The following RNASEH1 variants were observed in gnomAD, a reference collection of about 807,000 sequenced individuals.
The protein encoded by RNASEH1 is ribonuclease H type II.
A neutral mutation model predicts 34.6 loss-of-function variants in RNASEH1; 27 were observed. The observed-to-expected ratio is 0.78, with a 90% CI of 0.58 to 1.08. RNASEH1 has a LOEUF of 1.08. Ranked by LOEUF, RNASEH1 falls within the 50% of genes least tolerant of loss-of-function variation. The pLI is 0.00. For missense variants in RNASEH1, 349 were observed against 373.6 expected (o/e 0.93, Z 0.54); for synonymous variants, 162 against 138.4 (o/e 1.17, Z -1.20).
chr2:3,556,940 T>C, intron 1 of RNASEH1, 36 bp from the exon 2 acceptor site: 2 of 1,442,970 alleles, frequency 1.4e-6, no homozygotes, highest in Non-Finnish European at 2.0e-6. Context: ...CCTTCTTCCT[T>C]CTCTAACTTA....
chr2:3,538,726 G>A (rs1167097665), downstream of RNASEH1, among the ~76,000 whole-genome samples: 1 of 152,136 alleles, frequency 6.6e-6, no homozygotes, highest in African/African-American at 2.4e-5. Context: ...TGTGCAAGGT[G>A]TATCTACAGC....
Position 3,553,395 on chromosome 2 carries a change from T to G in RNASEH1, c.245-1087A>C, listed in dbSNP as rs145087829. On this transcript the variant is annotated intron_variant, in intron 2 of 7. Coordinates refer to ENST00000315212, the MANE Select transcript of RNASEH1 (RefSeq NM_002936.6). ...GGGGGACCTCAAGGTTAATCCCAAA[T>G]AGTTTTTTTTTTTTGAGACAGAGTC... 5.5e-4 allele frequency among the ~76,000 whole-genome samples: 84 copies of G among 151,796 alleles called. 1 individual carries two copies. The East Asian group carries it at 0.015, about 28-fold the overall frequency.
downstream of RNASEH1, among the ~76,000 whole-genome samples, chr2:3,538,949 T>C (rs1463252016): frequency 6.6e-6 from 1 of 152,202 alleles, no homozygotes; most frequent in Non-Finnish European, 1.5e-5. Context: ...CTGCATTCTC[T>C]CGTGAGTAAA....
intron 1 of RNASEH1, 125 bp downstream of exon 1, chr2:3,558,008 A>C: frequency 6.8e-7 from 1 of 1,481,410 alleles, no homozygotes; most frequent in South Asian, 1.4e-5. Flanking sequence ...TCCCCCGACC[A>C]CCCACAGCCA....
chr2:3,554,237 G>C (rs990793169), intron 2 of RNASEH1, among the ~76,000 whole-genome samples: 2 of 152,136 alleles, frequency 1.3e-5, no homozygotes, highest in African/African-American at 4.8e-5. Flanking sequence ...GTTCCTCTAG[G>C]TACTCTACTG....
downstream of RNASEH1, among the ~76,000 whole-genome samples, chr2:3,539,587 G>A (rs115515260): frequency 0.015 from 2,346 of 152,104 alleles, 61 homozygotes; most frequent in African/African-American, 0.052. Flanking sequence ...AGATGCAGCC[G>A]GCCCTCCCCA....
In RNASEH1 at chr2:3,542,757, C is replaced by T. The variant is rs1434312415; in HGVS notation, c.*3028G>A. On this transcript the variant is annotated 3_prime_UTR_variant, in exon 8 of 8. Transcript: ENST00000315212. ...TCCTGTGTCTTGAGAAGCAGGATTC[C>T]GAGTGCAGGAGACACAGACATCATA... is the stretch of plus-strand genomic sequence containing the variant. Among the ~76,000 whole-genome samples, 3 of 152,064 alleles carry T rather than the reference C, an allele frequency of 2.0e-5. No individual in the cohort carries two copies. Among genetic ancestry groups the T allele is most frequent in the East Asian group, 1.9e-4 (1 of 5,196 alleles).
chr2:3,539,913 G>A (rs2103269252), downstream of RNASEH1, among the ~76,000 whole-genome samples: 1 of 152,278 alleles, frequency 6.6e-6, no homozygotes, highest in South Asian at 2.1e-4. Flanking sequence ...TACCCAAGCT[G>A]TCCACCAGCC....
rs1668924274 is a variant in RNASEH1 at position 3,548,058 on chromosome 2, A to G, written c.650-3T>C. Reference sequence around the variant, plus strand: ...ACCTTGAACCCAGTTAGTTATACCTACAAAAATGCACGATCACTGGTGAGT... The same window carrying G: ...ACCTTGAACCCAGTTAGTTATACCTGCAAAAATGCACGATCACTGGTGAGT... On this transcript the variant is annotated splice_region_variant and splice_polypyrimidine_tract_variant and intron_variant, in intron 6 of 7. Coordinates refer to ENST00000315212, the MANE Select transcript of RNASEH1 (RefSeq NM_002936.6). 6.2e-7 allele frequency: 1 copy of G among 1,614,028 alleles called. No homozygotes were observed. Among genetic ancestry groups the G allele is most frequent in the Non-Finnish European group, 8.5e-7 (1 of 1,179,930 alleles).
chr2:3,550,607 G>A, intron 3 of RNASEH1, 135 bp from the exon 4 acceptor site: 1 of 683,622 alleles, frequency 1.5e-6, no homozygotes. Flanking sequence ...TTCTCTCTAG[G>A]AAAACATGCT....
chr2:3,543,194 G>A lies in RNASEH1; in HGVS notation c.*2591C>T, dbSNP rs1488441340. Among the ~76,000 whole-genome samples, 1 of 152,216 alleles carries A rather than the reference G, an allele frequency of 6.6e-6. No individual in the cohort carries two copies. The highest frequency in any genetic ancestry group is 1.9e-4 in the East Asian group (1 of 5,196). On this transcript the variant is annotated 3_prime_UTR_variant, in exon 8 of 8. Coordinates refer to ENST00000315212, the MANE Select transcript of RNASEH1 (RefSeq NM_002936.6). ...TATGTGAGGTGGAGGCTGACCTGCA[G>A]TCAGTCTGGCCATGTACATGTGTCT...
At position 3,552,422 on chromosome 2, in the gene RNASEH1, CCTCT is replaced by C. The variant is rs151141402; in HGVS notation, c.245-118_245-115del. On this transcript the variant is annotated intron_variant, in intron 2 of 7. Coordinates refer to ENST00000315212, the MANE Select transcript of RNASEH1 (RefSeq NM_002936.6). ...ATCATTAAATCAGACTTAAAAACAC[CCTCT>C]CTATGTGGCCCTACAACGAGGGAAA... is the stretch of plus-strand genomic sequence containing the variant. 0.16 allele frequency: 157,717 copies of C among 991,500 alleles called. 14,224 individuals carry two copies. Among genetic ancestry groups the C allele is most frequent in the African/African-American group, 0.24 (14,168 of 59,870 alleles). The allele number at this position is 991,500 out of a possible 1,614,324, so 61.4% of individuals were successfully genotyped here. A position where few individuals can be genotyped will look rare whatever the true frequency, so the allele number is the denominator to read the frequency against.
At chr2:3,546,438 C>A (rs542195062) in intron 7 of RNASEH1, among the ~76,000 whole-genome samples, 1 of 152,094 alleles carries the variant, frequency 6.6e-6, no homozygotes, top group African/African-American at 2.4e-5. Flanking sequence ...GTGCTTCCAT[C>A]TTGGAATAAA....
In RNASEH1 at chr2:3,554,867, G is replaced by A. The variant is rs143146852; in HGVS notation, c.244+1922C>T. 2.2e-3 allele frequency among the ~76,000 whole-genome samples: 329 copies of A among 152,314 alleles called. 2 individuals carry two copies. Among genetic ancestry groups the A allele is most frequent in the African/African-American group, 7.3e-3 (303 of 41,556 alleles). On this transcript the variant is annotated intron_variant, in intron 2 of 7. Coordinates refer to ENST00000315212, the MANE Select transcript of RNASEH1 (RefSeq NM_002936.6). Reference sequence around the variant, plus strand: ...CTGTCTCAAACTGATTTTTCCATCTGGGTAGAAAAATGAACAGCTGTAACA... The same window carrying A: ...CTGTCTCAAACTGATTTTTCCATCTAGGTAGAAAAATGAACAGCTGTAACA...
chr2:3,550,455 A>AGAC lies in RNASEH1; in HGVS notation c.424_426dup (p.Val142dup). On this transcript the variant is annotated inframe_insertion, in exon 4 of 8. Coordinates refer to ENST00000315212, the MANE Select transcript of RNASEH1 (RefSeq NM_002936.6). ...TTACTGGAGCAGCAGCCATCAGTGT[A>AGAC]GACGACGACGAAGTCTCCTGTGGGA... 1 of 1,614,138 alleles carries AGAC rather than the reference A, an allele frequency of 6.2e-7. No homozygotes were observed. The highest frequency in any genetic ancestry group is 1.3e-5 in the African/African-American group (1 of 75,056).
rs769898297 is a variant in RNASEH1 at position 3,558,279 on chromosome 2, G to T, written c.-19C>A. The T allele has an allele frequency of 6.5e-7, 1 of 1,544,928 alleles. No homozygotes were observed. The highest frequency in any genetic ancestry group is 2.1e-5 in the Admixed American group (1 of 47,728). On this transcript the variant is annotated 5_prime_UTR_variant, in exon 1 of 8. Transcript: ENST00000315212. ...AGCTCATCGCTCACTCCCGGCACCG[G>T]GAAGCATTTCGACTCCCGGCCCAGC...
intron 3 of RNASEH1, among the ~76,000 whole-genome samples, chr2:3,550,731 C>T (rs1345950208): frequency 6.6e-6 from 1 of 152,198 alleles, no homozygotes; most frequent in Non-Finnish European, 1.5e-5. Context: ...CTAGAGCCTG[C>T]TGCAGTAAAA....
At chr2:3,556,415 C>A (rs1057037532) in intron 2 of RNASEH1, among the ~76,000 whole-genome samples, 32 of 151,156 alleles carry the variant, frequency 2.1e-4, no homozygotes, top group Admixed American at 5.9e-4. Context: ...AAGCAATTCT[C>A]CCACCTCAGC....
downstream of RNASEH1, among the ~76,000 whole-genome samples, chr2:3,539,785 GA>G (rs1668194937): frequency 6.6e-6 from 1 of 152,314 alleles, no homozygotes; most frequent in African/African-American, 2.4e-5. Context: ...AAAAAGACCA[GA>G]AATCTACCCC....
Sources: allele counts gnomAD v4.1 joint callset (sites outside exome capture counted in the v4.1 genomes callset), GRCh38; gene constraint gnomAD v4.1.1; transcripts MANE v1.5; gene names NCBI Gene and HGNC (gene_info 2026-07-23, HGNC 2026-07-21).